MAP4K4: variants seen among roughly 807,000 people sequenced by gnomAD.
MAP4K4 encodes the protein HPK/GCK-like kinase HGK.
MAP4K4 carries 38 observed loss-of-function variants against 189.6 expected under a neutral mutation model. That is an observed-to-expected ratio of 0.20 (90% confidence interval 0.15 to 0.26). The LOEUF is 0.26. MAP4K4 is among the 10% of genes least tolerant of loss of function. The pLI is 1.00. For synonymous variants in MAP4K4, 610 were observed against 624.3 expected (o/e 0.98, Z 0.34); for missense variants, 1,054 against 1,726.9 (o/e 0.61, Z 6.91).
chr2:101,868,936 A>G (rs919663763), intron 21 of MAP4K4, among the ~76,000 whole-genome samples: 32 of 152,298 alleles, frequency 2.1e-4, no homozygotes, highest in African/African-American at 7.7e-4. Context: ...TCTATATGAC[A>G]AAGTCTTCTT....
At chr2:101,821,067 G>A (rs935144637) in intron 3 of MAP4K4, among the ~76,000 whole-genome samples, 1 of 151,978 alleles carries the variant, frequency 6.6e-6, no homozygotes, top group African/African-American at 2.4e-5. Context: ...GTTTTGTTTA[G>A]AATTAAGATG....
intron 27 of MAP4K4, among the ~76,000 whole-genome samples, chr2:101,881,596 T>A (rs1396930881): frequency 6.6e-6 from 1 of 152,208 alleles, no homozygotes; most frequent in African/African-American, 2.4e-5. Context: ...ATCCTTCACT[T>A]GTTCTCTATC....
chr2:101,888,058 G>A, intron 31 of MAP4K4, 121 bp downstream of exon 31: 1 of 781,452 alleles, frequency 1.3e-6, no homozygotes, highest in Non-Finnish European at 1.9e-6. Context: ...GAACAGAGTA[G>A]TTGGCAGTAG....
chr2:101,758,697 G>A (rs1041494479), intron 2 of MAP4K4, among the ~76,000 whole-genome samples: 1 of 152,128 alleles, frequency 6.6e-6, no homozygotes, highest in African/African-American at 2.4e-5. Context: ...GAACTACGTG[G>A]TCTAAAGAAA....
chr2:101,739,153 C>T (rs1427335610), intron 2 of MAP4K4, among the ~76,000 whole-genome samples: 3 of 152,248 alleles, frequency 2.0e-5, no homozygotes, highest in South Asian at 2.1e-4. Context: ...AGTCCACAAG[C>T]GTCTTTGCAG....
intron 3 of MAP4K4, among the ~76,000 whole-genome samples, chr2:101,820,791 G>A (rs540368005): frequency 6.6e-6 from 1 of 152,302 alleles, no homozygotes; most frequent in African/African-American, 2.4e-5. Context: ...GTGAGTTGTG[G>A]TGAGTCAGGA....
chr2:101,698,026 C>T (rs2035225706), exon 1 of MAP4K4: 7 of 1,225,464 alleles, frequency 5.7e-6, no homozygotes, highest in Non-Finnish European at 7.5e-6. Context: ...GGCTGAGATA[C>T]ACAGAGCGAC....
intron 2 of MAP4K4, among the ~76,000 whole-genome samples, chr2:101,730,940 G>A (rs964510173): frequency 1.5e-4 from 23 of 151,638 alleles, no homozygotes; most frequent in Middle Eastern, 6.8e-3. Flanking sequence ...CCAACTACTC[G>A]GGAGCCTGCG....
chr2:101,841,802 G>GGT (rs2096927899), intron 10 of MAP4K4, among the ~76,000 whole-genome samples: 2 of 152,216 alleles, frequency 1.3e-5, no homozygotes, highest in Admixed American at 6.5e-5. Flanking sequence ...AAAAAATAGA[G>GGT]GTGTGTGTGT....
At chr2:101,858,209 G>A (rs961695059) in intron 13 of MAP4K4, among the ~76,000 whole-genome samples, 2 of 152,194 alleles carry the variant, frequency 1.3e-5, no homozygotes, top group Non-Finnish European at 2.9e-5. Flanking sequence ...CAGGGACTGA[G>A]GCCTCCTGGT....
At chr2:101,730,213 T>A (rs2057798117) in intron 2 of MAP4K4, among the ~76,000 whole-genome samples, 1 of 152,216 alleles carries the variant, frequency 6.6e-6, no homozygotes, top group African/African-American at 2.4e-5. Flanking sequence ...TGGCTTTCTG[T>A]CAGGATTCTG....
intron 3 of MAP4K4, among the ~76,000 whole-genome samples, chr2:101,821,938 G>A (rs1044153167): frequency 1.3e-5 from 2 of 151,974 alleles, no homozygotes; most frequent in African/African-American, 2.4e-5. Flanking sequence ...AAACACACAC[G>A]TTATCTTAGG....
chr2:101,837,149 G>C (rs965866012), intron 9 of MAP4K4, among the ~76,000 whole-genome samples: 3 of 139,002 alleles, frequency 2.2e-5, no homozygotes, highest in African/African-American at 8.2e-5. Context: ...AATTGATGCT[G>C]CCTCCTCTTA....
chr2:101,780,804 C>G (rs547696962), intron 2 of MAP4K4, among the ~76,000 whole-genome samples: 1 of 152,170 alleles, frequency 6.6e-6, no homozygotes, highest in Non-Finnish European at 1.5e-5. Context: ...TTTAACGTAT[C>G]TTGACAGAGT....
intron 2 of MAP4K4, among the ~76,000 whole-genome samples, chr2:101,721,463 T>C (rs1164890358): frequency 1.6e-5 from 2 of 125,716 alleles, no homozygotes; most frequent in Non-Finnish European, 1.6e-5. Context: ...TGAGATGGAG[T>C]GTTGCTCTGT....
intron 10 of MAP4K4, among the ~76,000 whole-genome samples, chr2:101,840,861 T>C (rs1470790545): frequency 6.6e-5 from 10 of 152,238 alleles, no homozygotes. Context: ...TAAGTCATCA[T>C]TGATGTTCAG....
intron 3 of MAP4K4, among the ~76,000 whole-genome samples, chr2:101,818,132 G>T (rs1462624447): frequency 1.3e-5 from 2 of 152,114 alleles, no homozygotes; most frequent in African/African-American, 4.8e-5. Context: ...GATGTAGTGG[G>T]ATTTACCAGG....
chr2:101,698,100 C>CA lies in MAP4K4; in HGVS notation c.25dup (p.Ser9LysfsTer18). ...GGGAAAATGGCGAACGACTCCCCTGCAAAAAGTCTGGTGGACATCGACCTC... is the reference window on the plus strand; with the variant it reads ...GGGAAAATGGCGAACGACTCCCCTGCAAAAAAGTCTGGTGGACATCGACCTC... On this transcript the variant is annotated frameshift_variant, in exon 1 of 33. Coordinates refer to ENST00000324219, the Ensembl canonical transcript of MAP4K4. LOFTEE classifies it high-confidence loss of function. The CA allele has an allele frequency of 2.3e-6, 3 of 1,320,290 alleles. No individual in the cohort carries two copies. The highest frequency in any genetic ancestry group is 1.2e-5 in the South Asian group (1 of 80,686). 81.8% of individuals were successfully genotyped at this position (1,320,290 alleles called of 1,614,324 possible).
At chr2:101,888,423 T>A (rs372829825) in intron 31 of MAP4K4, among the ~76,000 whole-genome samples, 7 of 152,202 alleles carry the variant, frequency 4.6e-5, no homozygotes, top group African/African-American at 1.7e-4. Context: ...TCCAAAACTA[T>A]TTTGGTTTTA....
Sources: gnomAD v4.1 joint callset for allele counts (sites outside exome capture counted in the v4.1 genomes callset) on GRCh38, gnomAD v4.1.1 for gene constraint, MANE v1.5 for transcripts, NCBI Gene and HGNC (gene_info 2026-07-23, HGNC 2026-07-21) for gene names.